Variants in NMBR observed in about 807,000 individuals in gnomAD.
The protein encoded by NMBR is neuromedin-B receptor.
NMBR carries 16 observed loss-of-function variants against 20.5 expected under a neutral mutation model. The observed-to-expected ratio is 0.78, with a 90% CI of 0.53 to 1.19. The LOEUF (loss-of-function observed/expected upper bound fraction) is 1.19. Ranked by LOEUF, NMBR falls within the 50% of genes most tolerant of loss-of-function variation. The pLI, the probability that NMBR is intolerant of heterozygous loss-of-function variation, is 0.00. For synonymous variants in NMBR, 212 were observed against 196.6 expected, an observed-to-expected ratio of 1.08 and a Z score of -0.65; for missense variants, 582 against 499.1, an observed-to-expected ratio of 1.17 and a Z score of -1.58.
intron 1 of NMBR, among the ~76,000 whole-genome samples, chr6:142,146,533 C>G (rs1466777959): frequency 2.6e-5 from 4 of 151,944 alleles, no homozygotes; most frequent in Non-Finnish European, 5.9e-5. Flanking sequence ...GCGTTGAAAA[C>G]GTCCCAAACA....
intron 2 of NMBR, among the ~76,000 whole-genome samples, chr6:142,087,388 A>G (rs558358128): frequency 8.5e-5 from 13 of 152,216 alleles, no homozygotes; most frequent in Middle Eastern, 3.4e-3. Flanking sequence ...CTAATTTTGC[A>G]TTTTTCCCCA....
rs200430957 is a variant in NMBR, at chr6:142,075,611, C to T, written c.*37G>A. 7.2e-4 allele frequency: 1,118 copies of T among 1,546,936 alleles called. 2 individuals carry two copies. Among genetic ancestry groups the T allele is most frequent in the Non-Finnish European group, 9.2e-4 (1,052 of 1,145,142 alleles). On this transcript the variant is annotated 3_prime_UTR_variant, in exon 4 of 4. Transcript: ENST00000258042. ...TGCCGAATAGGAATTTTAACAGTTA[C>T]TAAGTTCTCTCCAGGTAGTGAGTTG...
rs2114549577 is a variant in NMBR, at chr6:142,075,658, A to G, written c.1163T>C (p.Met388Thr). The G allele has an allele frequency of 6.2e-7, 1 of 1,607,406 alleles. No homozygotes were observed. Among genetic ancestry groups the G allele is most frequent in the Non-Finnish European group, 8.5e-7 (1 of 1,176,278 alleles). Residue 388 changes from methionine (M) to threonine (T), a missense_variant, in exon 4 of 4, where the codon ATG (methionine) becomes ACG (threonine). Met to Thr is a moderately conservative substitution (Grantham distance 81). Transcript: ENST00000258042. Reference protein sequence around the residue: ...LLNGHSMKQEMAL With the variant: ...LLNGHSMKQETAL ...GTTGAATGGCCAAAATCACAGTGCCATTTCCTGCTTCATGCTGTGCCCATT... is the reference window on the plus strand; with the variant it reads ...GTTGAATGGCCAAAATCACAGTGCCGTTTCCTGCTTCATGCTGTGCCCATT...
chr6:142,080,459 TGCCACCAAGCCTA>T (rs1777072031), intron 2 of NMBR, among the ~76,000 whole-genome samples: 2 of 151,706 alleles, frequency 1.3e-5, no homozygotes, highest in Admixed American at 1.3e-4. Flanking sequence ...TACAGGTGTA[TGCCACCAAGCCTA>T]GCTAATTTTT....
intron 1 of NMBR, chr6:142,133,841 C>T (rs1778193731): frequency 1.5e-6 from 1 of 655,768 alleles, no homozygotes; most frequent in African/African-American, 1.8e-5. Context: ...TCTCCTAAAA[C>T]CATAACAGGT....
At chr6:142,084,119 C>A (rs1777156017) in intron 2 of NMBR, among the ~76,000 whole-genome samples, 1 of 152,166 alleles carries the variant, frequency 6.6e-6, no homozygotes, top group Non-Finnish European at 1.5e-5. Context: ...GTTAACAGCA[C>A]TCCCTCCCAC....
At chr6:142,080,787 G>T (rs533210912) in intron 2 of NMBR, among the ~76,000 whole-genome samples, 1 of 152,238 alleles carries the variant, frequency 6.6e-6, no homozygotes, top group Non-Finnish European at 1.5e-5. Flanking sequence ...TGTGGAAGAA[G>T]ACAAGGAAAG....
intron 1 of NMBR, among the ~76,000 whole-genome samples, chr6:142,127,024 T>C (rs574338857): frequency 6.6e-6 from 1 of 151,920 alleles, no homozygotes; most frequent in African/African-American, 2.4e-5. Flanking sequence ...ATTTTTGTTT[T>C]TGTTGTCTGG....
chr6:142,075,710 T>C lies in NMBR; in HGVS notation c.1111A>G (p.Asn371Asp). The C allele has an allele frequency of 1.2e-6, 2 of 1,613,950 alleles. No individual in the cohort carries two copies. The highest frequency in any genetic ancestry group is 2.2e-5 in the South Asian group (2 of 91,072). Reference sequence around the variant, plus strand: ...AGTAAAACAGAATTGGTCACCATGTTCTTAGCATTGCTTTTCAGAGATGTC... The same window carrying C: ...AGTAAAACAGAATTGGTCACCATGTCCTTAGCATTGCTTTTCAGAGATGTC... ...RMTSLKSNAKNMVTNSVLLNG... is the reference protein window; with the variant it reads ...RMTSLKSNAKDMVTNSVLLNG... Residue 371 changes from asparagine to aspartate, a missense_variant, in exon 4 of 4, where the codon AAC becomes GAC. Coordinates refer to ENST00000258042, the MANE Select transcript of NMBR (RefSeq NM_002511.4).
chr6:142,083,656 G>A (rs1410254384), intron 2 of NMBR, among the ~76,000 whole-genome samples: 1 of 152,060 alleles, frequency 6.6e-6, no homozygotes, highest in Non-Finnish European at 1.5e-5. Context: ...AGATCTGGTT[G>A]TTTGAAAGCG....
intron 1 of NMBR, among the ~76,000 whole-genome samples, chr6:142,090,428 T>C (rs1777302565): frequency 6.6e-6 from 1 of 151,896 alleles, no homozygotes; most frequent in Non-Finnish European, 1.5e-5. Flanking sequence ...AAGGTAAACA[T>C]TTGCATTGTA....
intron 1 of NMBR, among the ~76,000 whole-genome samples, chr6:142,095,605 T>A (rs905844660): frequency 6.6e-6 from 1 of 152,212 alleles, no homozygotes. Context: ...GATATTGGTC[T>A]AAAATTCTCT....
chr6:142,127,647 CT>C (rs963530070), intron 1 of NMBR, among the ~76,000 whole-genome samples: 7 of 150,964 alleles, frequency 4.6e-5, no homozygotes, highest in Admixed American at 6.6e-5. Flanking sequence ...ATTTATCTGT[CT>C]TTTTTTTTCT....
chr6:142,125,948 C>T (rs79756059), intron 1 of NMBR, among the ~76,000 whole-genome samples: 4,223 of 151,226 alleles, frequency 0.028, 206 homozygotes, highest in African/African-American at 0.095. Flanking sequence ...GTATACAATA[C>T]GGTATTGTTA....
chr6:142,146,836 T>C (rs937138423), intron 1 of NMBR, among the ~76,000 whole-genome samples: 4 of 152,212 alleles, frequency 2.6e-5, no homozygotes, highest in African/African-American at 9.7e-5. Context: ...TCAAAAAGGC[T>C]TCTAAAGGAC....
At chr6:142,114,900 C>G (rs1430152626) in intron 1 of NMBR, among the ~76,000 whole-genome samples, 1 of 151,986 alleles carries the variant, frequency 6.6e-6, no homozygotes, top group East Asian at 1.9e-4. Flanking sequence ...GATGACAAAA[C>G]TAAATCTAGA....
intron 1 of NMBR, among the ~76,000 whole-genome samples, chr6:142,117,255 C>A (rs1777871678): frequency 6.6e-6 from 1 of 151,840 alleles, no homozygotes; most frequent in Non-Finnish European, 1.5e-5. Context: ...GTTCATATGA[C>A]TCCAAAAAGT....
At chr6:142,097,351 C>A (rs933961634) in intron 1 of NMBR, among the ~76,000 whole-genome samples, 2 of 152,052 alleles carry the variant, frequency 1.3e-5, no homozygotes, top group African/African-American at 4.8e-5. Context: ...TTCAGGAGAT[C>A]TTTTAGGGTA....
rs1582840379 is a variant in NMBR, at chr6:142,088,475, T to C, written c.184A>G (p.Ile62Val). The change falls in exon 2 of 4, where the codon ATC becomes GTC. Residue 62 changes from isoleucine to valine, a missense_variant. Coordinates refer to ENST00000258042, the MANE Select transcript of NMBR (RefSeq NM_002511.4). ...GTGATGAAGATCTTCACCAGCATGA[T>C]GTTGCCCAGCAAGCCCACGGTGATG... ...LIITVGLLGN[I>V]MLVKIFITNS... 3 of 1,613,950 alleles carry C rather than the reference T, an allele frequency of 1.9e-6. No individual in the cohort carries two copies. The highest frequency in any genetic ancestry group is 2.5e-6 in the Non-Finnish European group (3 of 1,179,990).
Sources: allele counts gnomAD v4.1 joint callset (sites outside exome capture counted in the v4.1 genomes callset), GRCh38; gene constraint gnomAD v4.1.1; transcripts MANE v1.5; gene names NCBI Gene and HGNC (gene_info 2026-07-23, HGNC 2026-07-21).